Variants in CD99 observed in about 807,000 individuals in gnomAD.
CD99 encodes the protein CD99 antigen.
Under a neutral mutation model 28.4 loss-of-function variants are expected in CD99, and 19 were observed. The observed-to-expected ratio is 0.67, with a 90% CI of 0.47 to 0.98. The LOEUF is 0.98. CD99 is among the 50% of genes least tolerant of loss of function. CD99 has a pLI of 0.00. For missense variants in CD99, 283 were observed against 248.8 expected (o/e 1.14, Z -0.92); for synonymous variants, 103 against 92.1 (o/e 1.12, Z -0.67).
At chrX:2,723,821 G>A (rs1447397957) in intron 7 of CD99, among the ~76,000 whole-genome samples, 1 of 152,148 alleles carries the variant, frequency 6.6e-6, no homozygotes, top group Non-Finnish European at 1.5e-5. Context: ...TGCCGGTGAT[G>A]TATCTCCTGT....
chrX:2,721,232 G>A (rs1414168506), intron 5 of CD99, among the ~76,000 whole-genome samples: 1 of 151,272 alleles, frequency 6.6e-6, no homozygotes, highest in Non-Finnish European at 1.5e-5. Context: ...TATTAATGAT[G>A]TCCATATCTT....
At chrX:2,736,741 C>G (rs1049539116) in intron 8 of CD99, among the ~76,000 whole-genome samples, 3 of 151,972 alleles carry the variant, frequency 2.0e-5, no homozygotes, top group African/African-American at 7.3e-5. Context: ...CCTGAAATCC[C>G]AGCTACTCAG....
At chrX:2,738,338 CCTG>C (rs1335789878) in intron 9 of CD99, 82 bp downstream of exon 9, 1 of 1,338,374 alleles carries the variant, frequency 7.5e-7, no homozygotes, top group South Asian at 1.2e-5. Flanking sequence ...ATCTTGCTGT[CCTG>C]CTCACATTCT....
intron 1 of CD99, among the ~76,000 whole-genome samples, chrX:2,695,445 T>C (rs1212538177): frequency 1.3e-5 from 2 of 151,992 alleles, no homozygotes; most frequent in African/African-American, 2.4e-5. Flanking sequence ...AGGTGGGGTC[T>C]CTGTTGCCCA....
At chrX:2,700,965 C>T (rs1229425921) in intron 1 of CD99, among the ~76,000 whole-genome samples, 4 of 149,064 alleles carry the variant, frequency 2.7e-5, no homozygotes, top group Non-Finnish European at 5.9e-5. Context: ...ATCCGTCTAC[C>T]CACCCACTCA....
chrX:2,692,282 T>C (rs1396637622), intron 1 of CD99: 5 of 252,902 alleles, frequency 2.0e-5, no homozygotes, highest in Non-Finnish European at 3.8e-5. Flanking sequence ...GTGCATTTTT[T>C]GCTCTTCGTA....
chrX:2,722,751 G>C, intron 6 of CD99, 77 bp downstream of exon 6: 1 of 1,359,110 alleles, frequency 7.4e-7, no homozygotes. Context: ...TCACTACAGG[G>C]TCTAAACTGT....
chrX:2,717,614 A>G lies in CD99; in HGVS notation c.110A>G (p.Asn37Ser), dbSNP rs756379624. Residue 37 changes from asparagine to serine, a missense_variant, in exon 3 of 10, where the codon AAC becomes AGC. By Grantham distance (46) the Asn-to-Ser change is conservative. Transcript: ENST00000381192. ...TATCTTATCTCTTTAGACAATGAAA[A>G]CAAGAAACCCACTGCAATCCCCAAG... ...DLSDALPDNE[N>S]KKPTAIPKKP... The G allele has an allele frequency of 8.7e-6, 14 of 1,613,600 alleles. No homozygotes were observed. The highest frequency in any genetic ancestry group is 6.6e-5 in the South Asian group (6 of 91,080).
At chrX:2,713,666 T>C (rs1336881192) in intron 1 of CD99, among the ~76,000 whole-genome samples, 1 of 152,214 alleles carries the variant, frequency 6.6e-6, no homozygotes, top group East Asian at 1.9e-4. Flanking sequence ...TCCTGCGGGT[T>C]GTTCTTGGAC....
At chrX:2,734,201 AT>A (rs959225332) in intron 8 of CD99, among the ~76,000 whole-genome samples, 57 of 144,144 alleles carry the variant, frequency 4.0e-4, no homozygotes, top group South Asian at 1.6e-3. Flanking sequence ...TACTTTTCTT[AT>A]TTTTTTCTTT....
At chrX:2,714,105 C>A (rs1051750979) in intron 1 of CD99, among the ~76,000 whole-genome samples, 4 of 152,074 alleles carry the variant, frequency 2.6e-5, no homozygotes, top group African/African-American at 9.7e-5. Context: ...AGTACATATT[C>A]AAAATTGTTA....
At chrX:2,729,603 G>A (rs2049484348) in intron 8 of CD99, among the ~76,000 whole-genome samples, 1 of 152,096 alleles carries the variant, frequency 6.6e-6, no homozygotes, top group African/African-American at 2.4e-5. Context: ...GGACACAGAG[G>A]CTCACCATAT....
At chrX:2,730,509 A>G (rs2049544237) in intron 8 of CD99, among the ~76,000 whole-genome samples, 2 of 152,118 alleles carry the variant, frequency 1.3e-5, no homozygotes, top group Admixed American at 1.3e-4. Flanking sequence ...TCCTTTCTGA[A>G]GAATTGGCTC....
intron 8 of CD99, chrX:2,733,508 G>GA: frequency 2.2e-6 from 2 of 909,914 alleles, no homozygotes; most frequent in Non-Finnish European, 3.4e-6. Context: ...ACCACGATGG[G>GA]ATTCTCAATC....
chrX:2,696,959 C>G (rs2047604673), intron 1 of CD99, among the ~76,000 whole-genome samples: 1 of 152,136 alleles, frequency 6.6e-6, no homozygotes, highest in Non-Finnish European at 1.5e-5. Flanking sequence ...TAGCAGGAAA[C>G]CAGAAACTTC....
At chrX:2,714,347 C>G in intron 1 of CD99, 75 bp from the exon 2 acceptor site, 2 of 1,211,930 alleles carry the variant, frequency 1.7e-6, no homozygotes, top group Admixed American at 2.2e-5. Context: ...AATCGCATAT[C>G]TTTTTTATCT....
At chrX:2,712,790 G>A (rs1384041880) in intron 1 of CD99, among the ~76,000 whole-genome samples, 1 of 151,738 alleles carries the variant, frequency 6.6e-6, no homozygotes, top group Non-Finnish European at 1.5e-5. Context: ...CACACACACA[G>A]ACATACAAGC....
At chrX:2,711,367 C>T (rs1569434554) in intron 1 of CD99, among the ~76,000 whole-genome samples, 1 of 146,072 alleles carries the variant, frequency 6.8e-6, no homozygotes, top group African/African-American at 2.5e-5. Flanking sequence ...TGTGTATATA[C>T]AGTATGTATG....
chrX:2,737,746 T>C, intron 8 of CD99: 1 of 313,786 alleles, frequency 3.2e-6, no homozygotes, highest in East Asian at 8.0e-5. Flanking sequence ...TCCACCTGCC[T>C]CAGCCTCCCA....
Sources: allele counts gnomAD v4.1 joint callset (sites outside exome capture counted in the v4.1 genomes callset), GRCh38; gene constraint gnomAD v4.1.1; transcripts MANE v1.5; gene names NCBI Gene and HGNC (gene_info 2026-07-23, HGNC 2026-07-21).